The following MAP9 variants were observed in gnomAD, a reference collection of about 807,000 sequenced individuals.
MAP9 encodes the protein microtubule-associated protein 9.
MAP9 carries 80 observed loss-of-function variants against 75.2 expected under a neutral mutation model. The observed-to-expected ratio is 1.06, with a 90% CI of 0.89 to 1.28. MAP9 has a LOEUF of 1.28. MAP9 is among the 50% of genes most tolerant of loss of function. The pLI is 0.00. For missense variants in MAP9, 753 were observed against 719.9 expected, an observed-to-expected ratio of 1.05 and a Z score of -0.53; for synonymous variants, 235 against 237.3, an observed-to-expected ratio of 0.99 and a Z score of 0.09.
Position 155,355,736 on chromosome 4 carries a change from T to A in MAP9, c.1270A>T (p.Ile424Leu), listed in dbSNP as rs139408083. The change falls in exon 9 of 14, where the codon ATA (isoleucine) becomes TTA (leucine). Residue 424 changes from isoleucine (I) to leucine (L), a missense_variant. By Grantham distance (5) the Ile-to-Leu change is conservative. Transcript: ENST00000311277. Reference sequence around the variant, plus strand: ...TTTACCTGATAAACAGCTGCCCTTATGTTATCTGCTCTATCAGGTTCTATG... The same window carrying A: ...TTTACCTGATAAACAGCTGCCCTTAAGTTATCTGCTCTATCAGGTTCTATG... ...QSIEPDRADNIRAAVYQEWLE... is the reference protein window; with the variant it reads ...QSIEPDRADNLRAAVYQEWLE... 7.4e-5 allele frequency: 119 copies of A among 1,610,212 alleles called. No homozygotes were observed. In the African/African-American group the frequency reaches 1.3e-3, roughly 18 times the overall value.
At chr4:155,353,083 T>A in intron 11 of MAP9, 26 bp from the exon 12 acceptor site, 1 of 1,536,106 alleles carries the variant, frequency 6.5e-7, no homozygotes, top group South Asian at 1.3e-5. Context: ...ATAATTTTCT[T>A]ACTGTGAATA....
Position 155,352,994 on chromosome 4 carries a change from C to T in MAP9, c.1606G>A (p.Glu536Lys). Residue 536 changes from glutamate (E) to lysine (K), a missense_variant, in exon 12 of 14, where the codon GAA (glutamate) becomes AAA (lysine). By Grantham distance (56) the Glu-to-Lys change is moderately conservative. Transcript: ENST00000311277. ...YLKEKNRKER[E>K]YERAKKQKEE... Reference sequence around the variant, plus strand: ...TTCTGTTTCTTTGCTCTTTCATATTCTCTCTCCTTTCTATTTTTCTCTTTA... The same window carrying T: ...TTCTGTTTCTTTGCTCTTTCATATTTTCTCTCCTTTCTATTTTTCTCTTTA... The T allele has an allele frequency of 5.2e-6, 8 of 1,539,238 alleles. No homozygotes were observed. Among genetic ancestry groups the T allele is most frequent in the Non-Finnish European group, 6.2e-6 (7 of 1,134,994 alleles).
Position 155,375,841 on chromosome 4 carries a change from C to T in MAP9, c.10G>A (p.Glu4Lys), listed in dbSNP as rs1578867101. Reference sequence around the variant, plus strand: ...TATGCCAAAGTGGTGCTAAAAACTTCATCAGACATAGTGTATTTTTTCTCG... The same window carrying T: ...TATGCCAAAGTGGTGCTAAAAACTTTATCAGACATAGTGTATTTTTTCTCG... MSD[E>K]VFSTTLAYTK... The change falls in exon 2 of 14, where the codon GAA (glutamate) becomes AAA (lysine). Residue 4 changes from glutamate to lysine, a missense_variant. Coordinates refer to ENST00000311277, the MANE Select transcript of MAP9 (RefSeq NM_001039580.2). 1 of 1,607,750 alleles carries T rather than the reference C, an allele frequency of 6.2e-7. No individual in the cohort carries two copies. Among genetic ancestry groups the T allele is most frequent in the Middle Eastern group, 1.7e-4 (1 of 5,994 alleles).
intron 7 of MAP9, among the ~76,000 whole-genome samples, chr4:155,357,812 G>A (rs1216669234): frequency 6.6e-6 from 1 of 152,114 alleles, no homozygotes; most frequent in South Asian, 2.1e-4. Flanking sequence ...AGTTGGTCAG[G>A]GAAGGCTGTC....
intron 11 of MAP9, 47 bp downstream of exon 11, chr4:155,353,132 G>T (rs760930681): frequency 6.5e-7 from 1 of 1,535,704 alleles, no homozygotes; most frequent in South Asian, 1.3e-5. Flanking sequence ...CATTAATTTG[G>T]ATTTCAAATG....
intron 4 of MAP9, among the ~76,000 whole-genome samples, chr4:155,371,553 C>T (rs1412639249): frequency 2.0e-5 from 3 of 151,598 alleles, no homozygotes; most frequent in Non-Finnish European, 4.4e-5. Flanking sequence ...TTAAGAAAAG[C>T]GCTTTTTTTG....
chr4:155,360,197 T>C lies in MAP9; in HGVS notation c.1021A>G (p.Ile341Val). The C allele has an allele frequency of 6.2e-7, 1 of 1,612,486 alleles. No homozygotes were observed. Among genetic ancestry groups the C allele is most frequent in the Non-Finnish European group, 8.5e-7 (1 of 1,178,826 alleles). The change falls in exon 7 of 14, where the codon ATA becomes GTA. Residue 341 changes from isoleucine (I) to valine (V), a missense_variant. Coordinates refer to ENST00000311277, the MANE Select transcript of MAP9 (RefSeq NM_001039580.2). ...GAAGATGCTGTTGCACTGGTAGATA[T>C]TAAGATACTCTGAGATTTAGATAGT... ...PLLSKSQSILISTSATASSKK... is the reference protein window; with the variant it reads ...PLLSKSQSILVSTSATASSKK...
intron 2 of MAP9, among the ~76,000 whole-genome samples, chr4:155,375,295 A>T (rs1235307333): frequency 1.3e-5 from 2 of 152,224 alleles, no homozygotes; most frequent in East Asian, 3.8e-4. Flanking sequence ...GCAGGTTATA[A>T]TTAGAGCTGG....
In MAP9 at chr4:155,373,367, T is replaced by C; in HGVS notation, c.250A>G (p.Lys84Glu). 6.2e-7 allele frequency: 1 copy of C among 1,610,712 alleles called. No homozygotes were observed. The highest frequency in any genetic ancestry group is 8.5e-7 in the Non-Finnish European group (1 of 1,177,530). ...NDFHISDDEE[K>E]NPSKLLFLKT... Reference sequence around the variant, plus strand: ...AAAAACAATAGTTTTGAAGGATTCTTTTCTTCATCATCTGATATATGAAAG... The same window carrying C: ...AAAAACAATAGTTTTGAAGGATTCTCTTCTTCATCATCTGATATATGAAAG... The change falls in exon 4 of 14, where the codon AAG (lysine) becomes GAG (glutamate). Residue 84 changes from lysine (K) to glutamate (E), a missense_variant. Physicochemically the swap from Lys to Glu is moderately conservative, Grantham distance 56. Transcript: ENST00000311277.
chr4:155,373,522 T>G (rs1732700391), intron 3 of MAP9, 66 bp from the exon 4 acceptor site: 1 of 1,079,390 alleles, frequency 9.3e-7, no homozygotes, highest in Admixed American at 3.4e-5. Context: ...TACGTTAACT[T>G]AATCAAAGTT....
intron 13 of MAP9, among the ~76,000 whole-genome samples, chr4:155,348,783 A>G (rs565471850): frequency 1.3e-5 from 2 of 152,170 alleles, no homozygotes; most frequent in Non-Finnish European, 2.9e-5. Context: ...AATATTAATG[A>G]TATCTTTGCA....
chr4:155,368,794 T>C lies in MAP9; in HGVS notation c.500A>G (p.Asp167Gly), dbSNP rs145039725. The C allele has an allele frequency of 5.0e-6, 8 of 1,607,228 alleles. No homozygotes were observed. The highest frequency in any genetic ancestry group is 6.8e-6 in the Non-Finnish European group (8 of 1,177,404). The change falls in exon 5 of 14, where the codon GAC (aspartate) becomes GGC (glycine). Residue 167 changes from aspartate to glycine, a missense_variant. Coordinates refer to ENST00000311277, the MANE Select transcript of MAP9 (RefSeq NM_001039580.2). Reference sequence around the variant, plus strand: ...TGATGGTTTAAAGTGATCATCTGTGTCAAGGCTGTTGTTTTCTGCTGAAAA... The same window carrying C: ...TGATGGTTTAAAGTGATCATCTGTGCCAAGGCTGTTGTTTTCTGCTGAAAA... Reference protein sequence around the residue: ...STSSAENNSLDTDDHFKPSPR... With the variant: ...STSSAENNSLGTDDHFKPSPR...
intron 4 of MAP9, among the ~76,000 whole-genome samples, chr4:155,369,901 G>A (rs1578859596): frequency 6.6e-6 from 1 of 152,156 alleles, no homozygotes; most frequent in East Asian, 1.9e-4. Context: ...TATATTTTTT[G>A]CCTGCATTTT....
chr4:155,359,902 T>C (rs989619883), intron 7 of MAP9, among the ~76,000 whole-genome samples: 2 of 152,080 alleles, frequency 1.3e-5, no homozygotes, highest in African/African-American at 4.8e-5. Context: ...ACTATGAGTA[T>C]GCATTTCTGA....
At position 155,344,270 on chromosome 4, in the gene MAP9, A is replaced by C. The variant is rs1169536063; in HGVS notation, c.*3513T>G. On this transcript the variant is annotated 3_prime_UTR_variant, in exon 14 of 14. Transcript: ENST00000311277. ...GGAGATAAATAAGAGGACATGAATC[A>C]ACTAAATTAATAATAACCACAGTTC... 1.3e-5 allele frequency: 2 copies of C among 151,938 alleles called. No homozygotes were observed. The highest frequency in any genetic ancestry group is 2.9e-5 in the Non-Finnish European group (2 of 67,874). The allele number at this position is 151,938 out of a possible 1,614,324, so 9.4% of individuals were successfully genotyped here.
At chr4:155,352,228 T>G (rs1195348419) in intron 13 of MAP9, 1 of 179,988 alleles carries the variant, frequency 5.6e-6, no homozygotes, top group African/African-American at 2.4e-5. Context: ...GTGTTACTTT[T>G]TGTCATGACC....
In MAP9 at chr4:155,373,131, A is replaced by G. The variant is rs778792845; in HGVS notation, c.481+5T>C. On this transcript the variant is annotated splice_donor_5th_base_variant and intron_variant, in intron 4 of 13. Transcript: ENST00000311277. ...AATGCAATTACAGTAATCCTAACAA[A>G]TTACCTGAAGATGTGCTTTTAATTG... 1 of 1,523,158 alleles carries G rather than the reference A, an allele frequency of 6.6e-7. No homozygotes were observed. The highest frequency in any genetic ancestry group is 8.8e-7 in the Non-Finnish European group (1 of 1,135,282). 94.4% of individuals were successfully genotyped at this position (1,523,158 alleles called of 1,614,324 possible).
At chr4:155,358,999 T>G (rs1467316445) in intron 7 of MAP9, among the ~76,000 whole-genome samples, 1 of 152,232 alleles carries the variant, frequency 6.6e-6, no homozygotes, top group East Asian at 1.9e-4. Context: ...ACAATCTTTA[T>G]GGAAAATAGT....
chr4:155,360,413 G>A lies in MAP9; in HGVS notation c.805C>T (p.Pro269Ser), dbSNP rs780891852. The A allele has an allele frequency of 1.2e-6, 2 of 1,608,090 alleles. No homozygotes were observed. Among genetic ancestry groups the A allele is most frequent in the Non-Finnish European group, 8.5e-7 (1 of 1,177,414 alleles). ...GSEGNASGKD[P>S]NEEITENHNS... ...TGGTTTTCAGTGATTTCTTCATTTG[G>A]ATCTATTTTGAGACAGAGTAATAGC... Residue 269 changes from proline to serine, a missense_variant and splice_region_variant, in exon 7 of 14, where the codon CCA (proline) becomes TCA (serine). Transcript: ENST00000311277.
Sources: allele counts gnomAD v4.1 joint callset (sites outside exome capture counted in the v4.1 genomes callset), GRCh38; gene constraint gnomAD v4.1.1; transcripts MANE v1.5; gene names NCBI Gene and HGNC (gene_info 2026-07-23, HGNC 2026-07-21).